BCORL1: variants seen among roughly 807,000 people sequenced by gnomAD.
BCORL1 encodes BCL-6 corepressor-like protein 1.
BCORL1 carries 7 observed loss-of-function variants against 87.6 expected under a neutral mutation model. The ratio of observed to expected loss-of-function variants is 0.08; its 90% CI spans 0.05 to 0.15. The LOEUF (loss-of-function observed/expected upper bound fraction) is 0.15, where lower values mean the gene tolerates loss of function less well. Ranked by LOEUF, BCORL1 falls within the 10% of genes least tolerant of loss-of-function variation. The pLI is 1.00. For synonymous variants in BCORL1, 591 were observed against 634.4 expected, an observed-to-expected ratio of 0.93 and a Z score of 1.03; for missense variants, 1,215 against 1,499.7, an observed-to-expected ratio of 0.81 and a Z score of 3.13.
rs796767874 is a variant in BCORL1 at position 130,028,864 on chromosome X, G to A, written c.4305+3G>A. The A allele has an allele frequency of 1.7e-6, 2 of 1,170,712 alleles. No homozygotes were observed. Among genetic ancestry groups the A allele is most frequent in the Non-Finnish European group, 2.3e-6 (2 of 868,693 alleles). On this transcript the variant is annotated splice_donor_region_variant and intron_variant, in intron 8 of 13. Coordinates refer to ENST00000540052, the MANE Select transcript of BCORL1 (RefSeq NM_001379451.1). The stretch of plus-strand genomic sequence containing the variant: ...CAACCGTCTCAGAAGAGGCAAAGGT[G>A]TGTAGCTATCAAGGGGTATTGTAGA...
chrX:129,980,648 G>A (rs1157736404), upstream of BCORL1, among the ~76,000 whole-genome samples: 9 of 111,862 alleles, frequency 8.0e-5, no homozygotes, highest in African/African-American at 2.9e-4. Context: ...GCAAGGGCGG[G>A]GTGGGTGGCC....
rs746950692 is a variant in BCORL1, at chrX:130,015,413, G to A, written c.2641G>A (p.Val881Met). The A allele has an allele frequency of 2.2e-5, 27 of 1,211,060 alleles. No homozygotes were observed. Among genetic ancestry groups the A allele is most frequent in the African/African-American group, 1.9e-4 (11 of 57,547 alleles). Residue 881 changes from valine to methionine, a missense_variant, in exon 4 of 14, where the codon GTG (valine) becomes ATG (methionine). This residue lies in a region of BCORL1 where 861 missense variants were observed against 1,010.0 expected (regional missense o/e 0.85). Coordinates refer to ENST00000540052, the MANE Select transcript of BCORL1 (RefSeq NM_001379451.1). ...GCCATCTCTCAGCTCCAGCGAAGCCGTGCACGGACTTCCTGAGGGGCAACC... is the reference window on the plus strand; with the variant it reads ...GCCATCTCTCAGCTCCAGCGAAGCCATGCACGGACTTCCTGAGGGGCAACC... ...GVPSLSSSEA[V>M]HGLPEGQPRP...
At chrX:130,033,257 A>G (rs1177188446) in intron 8 of BCORL1, among the ~76,000 whole-genome samples, 2 of 109,571 alleles carry the variant, frequency 1.8e-5, no homozygotes, top group South Asian at 7.8e-4. Context: ...GATTTTTTGT[A>G]TTTTTAGTAG....
At chrX:129,987,426 C>T (rs1451588237) in intron 1 of BCORL1, among the ~76,000 whole-genome samples, 1 of 112,018 alleles carries the variant, frequency 8.9e-6, no homozygotes, top group Non-Finnish European at 1.9e-5. Flanking sequence ...AGCCACTGCC[C>T]TGAGAGGGCC....
chrX:129,996,595 G>A (rs1006666343), intron 1 of BCORL1, among the ~76,000 whole-genome samples: 1 of 111,400 alleles, frequency 9.0e-6, no homozygotes, highest in Non-Finnish European at 1.9e-5. Context: ...CTTGTCAGCT[G>A]CATGAACATC....
At chrX:130,053,152 AT>A (rs1203728885) in intron 13 of BCORL1, among the ~76,000 whole-genome samples, 1 of 111,851 alleles carries the variant, frequency 8.9e-6, no homozygotes, top group African/African-American at 3.2e-5. Flanking sequence ...ATAAAATAAA[AT>A]AATAAAATAA....
rs1167338694 is a variant in BCORL1, at chrX:129,984,315, A to AGGGGGCCGTCCTGGGGGC, written c.-45+1560_-45+1577dup. ...AGGGCGCAGGCGGCGCGCGGTGGGG[A>AGGGGGCCGTCCTGGGGGC]GGGGGCCGTCCTGGGGGCGGGGGCA... On this transcript the variant is annotated intron_variant, in intron 1 of 13. Transcript: ENST00000540052. Among the ~76,000 whole-genome samples the AGGGGGCCGTCCTGGGGGC allele has an allele frequency of 4.8e-4, 5 of 10,413 alleles. No homozygotes were observed. The East Asian group carries it at 0.012, about 24-fold the overall frequency. The allele number at this position is 10,413 out of a possible 115,157, so 9.0% of individuals were successfully genotyped here.
chrX:130,014,024 A>C lies in BCORL1; in HGVS notation c.1252A>C (p.Ser418Arg), dbSNP rs771484093. 9.1e-6 allele frequency: 11 copies of C among 1,207,401 alleles called. No individual in the cohort carries two copies. Among genetic ancestry groups the C allele is most frequent in the Non-Finnish European group, 1.2e-5 (11 of 894,295 alleles). Reference protein sequence around the residue: ...SAPIPASFSLSRVCFPAAQAP... With the variant: ...SAPIPASFSLRRVCFPAAQAP... The stretch of plus-strand genomic sequence containing the variant: ...ACCCATCCCGGCCTCCTTCAGTTTG[A>C]GTAGAGTGTGCTTTCCTGCAGCTCA... The change falls in exon 4 of 14, where the codon AGT becomes CGT. Residue 418 changes from serine (S) to arginine (R), a missense_variant. Physicochemically the swap from Ser to Arg is moderately radical, Grantham distance 110. Transcript: ENST00000540052.
intron 1 of BCORL1, among the ~76,000 whole-genome samples, chrX:129,983,718 C>G (rs1324812737): frequency 1.2e-5 from 1 of 86,624 alleles, no homozygotes; most frequent in African/African-American, 4.4e-5. Flanking sequence ...GCCGCCGGGC[C>G]GGGCGCGGCG....
At position 130,037,370 on chromosome X, in the gene BCORL1, G is replaced by A; in HGVS notation, c.4531G>A (p.Val1511Ile). 8.3e-7 allele frequency: 1 copy of A among 1,211,124 alleles called. No individual in the cohort carries two copies. The change falls in exon 10 of 14, where the codon GTT (valine) becomes ATT (isoleucine). Residue 1511 changes from valine (V) to isoleucine (I), a missense_variant. Transcript: ENST00000540052. Reference protein sequence around the residue: ...QRAARLGYKDVVLYCLQKDSE... With the variant: ...QRAARLGYKDIVLYCLQKDSE... ...GGAGTTGTCCCTGTCCCCACAGGAT[G>A]TTGTTCTCTACTGCCTCCAGAAAGA...
chrX:130,052,769 A>G (rs778222663), intron 13 of BCORL1, among the ~76,000 whole-genome samples: 1 of 112,544 alleles, frequency 8.9e-6, no homozygotes, highest in South Asian at 3.6e-4. Flanking sequence ...TGGTGTCTTC[A>G]TGTATTTCAA....
intron 1 of BCORL1, among the ~76,000 whole-genome samples, chrX:130,000,787 A>G (rs1039454467): frequency 1.8e-5 from 2 of 112,450 alleles, no homozygotes; most frequent in African/African-American, 6.5e-5. Flanking sequence ...CTTGAAGACA[A>G]TAACCTGAGC....
At chrX:130,054,193 T>C (rs1414124898) in intron 13 of BCORL1, among the ~76,000 whole-genome samples, 1 of 111,949 alleles carries the variant, frequency 8.9e-6, no homozygotes, top group Non-Finnish European at 1.9e-5. Flanking sequence ...CTCCAACAGT[T>C]TCAGAAGGGT....
chrX:130,005,853 T>TGA (rs1389422668), intron 2 of BCORL1, among the ~76,000 whole-genome samples: 1 of 109,071 alleles, frequency 9.2e-6, no homozygotes, highest in Admixed American at 9.9e-5. Context: ...CTTGAACCCC[T>TGA]GAGCTCAAGT....
intron 6 of BCORL1, among the ~76,000 whole-genome samples, chrX:130,024,748 C>T (rs1173221215): frequency 3.6e-5 from 4 of 111,369 alleles, no homozygotes; most frequent in Non-Finnish European, 7.5e-5. Context: ...AGCACATATG[C>T]GTGAAAAATC....
Position 130,057,495 on chromosome X carries a change from A to AT in BCORL1, c.*1364dup, listed in dbSNP as rs2124601980. The AT allele has an allele frequency of 9.0e-6, 1 of 111,047 alleles. No homozygotes were observed. Among genetic ancestry groups the AT allele is most frequent in the East Asian group, 2.8e-4 (1 of 3,526 alleles). 9.2% of individuals were successfully genotyped at this position (111,047 alleles called of 1,213,427 possible). On this transcript the variant is annotated 3_prime_UTR_variant, in exon 14 of 14. Coordinates refer to ENST00000540052, the MANE Select transcript of BCORL1 (RefSeq NM_001379451.1). ...CACTCTTATTTTTCTACCAATTGCT[A>AT]TTTTTCCGAACAATCCTTGTAGAGT...
chrX:130,005,407 A>C, intron 2 of BCORL1, 90 bp downstream of exon 2: 1 of 853,494 alleles, frequency 1.2e-6, no homozygotes, highest in East Asian at 3.2e-5. Flanking sequence ...GGGCCTGGGG[A>C]GGGACCCTGG....
chrX:130,041,278 C>CAAA (rs56172113), intron 11 of BCORL1, among the ~76,000 whole-genome samples: 10 of 33,595 alleles, frequency 3.0e-4, no homozygotes, highest in African/African-American at 4.6e-4. Context: ...GACAGTGTCT[C>CAAA]AAAAAAAAAA....
At chrX:130,012,903 A>G (rs1929074705) in intron 3 of BCORL1, 47 bp from the exon 4 acceptor site, 2 of 1,165,613 alleles carry the variant, frequency 1.7e-6, no homozygotes, top group Admixed American at 2.4e-5. Flanking sequence ...CACTTGCACC[A>G]TCTGCAGGGA....
Sources: allele counts gnomAD v4.1 joint callset (sites outside exome capture counted in the v4.1 genomes callset), GRCh38; gene constraint gnomAD v4.1.1; regional missense constraint gnomAD v4.1.1; transcripts MANE v1.5; gene names NCBI Gene and HGNC (gene_info 2026-07-23, HGNC 2026-07-21).